The following MID2 variants were observed in gnomAD, a reference collection of about 807,000 sequenced individuals.
The protein encoded by MID2 is probable E3 ubiquitin-protein ligase MID2.
MID2 carries 13 observed loss-of-function variants against 46.1 expected under a neutral mutation model. The ratio of observed to expected loss-of-function variants is 0.28; its 90% CI spans 0.18 to 0.45. MID2 has a LOEUF of 0.45. Ranked by LOEUF, MID2 falls within the 20% of genes least tolerant of loss-of-function variation. The probability of loss-of-function intolerance (pLI) is 1.00; values close to 1 mark genes in which losing one functional copy is unlikely to be tolerated. For missense variants in MID2, 431 were observed against 575.4 expected (o/e 0.75, Z 2.57); for synonymous variants, 199 against 212.3 (o/e 0.94, Z 0.55).
intron 3 of MID2, among the ~76,000 whole-genome samples, chrX:107,881,114 G>A (rs893160404): frequency 8.9e-6 from 1 of 112,754 alleles, no homozygotes; most frequent in Non-Finnish European, 1.9e-5. Flanking sequence ...GTACAAGGGG[G>A]CAGATTTTCC....
Position 107,930,342 on chromosome X carries a change from C to G in MID2, c.*3269C>G, listed in dbSNP as rs1402922833. Among the ~76,000 whole-genome samples the G allele has an allele frequency of 8.9e-6, 1 of 111,837 alleles. No homozygotes were observed. Among genetic ancestry groups the G allele is most frequent in the Non-Finnish European group, 1.9e-5 (1 of 53,132 alleles). The stretch of plus-strand genomic sequence containing the variant: ...CTCCTACATAATAAATGATCATTGT[C>G]CTCCTCAAAAACTCTTTGGCAGTTA... On this transcript the variant is annotated 3_prime_UTR_variant, in exon 10 of 10. Coordinates refer to ENST00000262843, the MANE Select transcript of MID2 (RefSeq NM_012216.4).
chrX:107,826,280 G>T lies in MID2; in HGVS notation c.-147G>T. On this transcript the variant is annotated 5_prime_UTR_variant, in exon 1 of 10. Coordinates refer to ENST00000262843, the MANE Select transcript of MID2 (RefSeq NM_012216.4). The stretch of plus-strand genomic sequence containing the variant: ...GACGGTAGCGGCAGCGGCGGCGAAG[G>T]CGGGCGGCGGCCTACAGTGGTAGCG... 1 of 571,993 alleles carries T rather than the reference G, an allele frequency of 1.7e-6. No homozygotes were observed. The highest frequency in any genetic ancestry group is 2.3e-6 in the Non-Finnish European group (1 of 427,670). The allele number at this position is 571,993 out of a possible 1,213,427, so 47.1% of individuals were successfully genotyped here. A position where few individuals can be genotyped will look rare whatever the true frequency, so the allele number is the denominator to read the frequency against.
At position 107,875,757 on chromosome X, in the gene MID2, T is replaced by A. The variant is rs1006977982; in HGVS notation, c.816+21053T>A. 2.7e-5 allele frequency among the ~76,000 whole-genome samples: 3 copies of A among 111,558 alleles called. No homozygotes were observed. In the East Asian group the frequency reaches 8.5e-4, roughly 32 times the overall value. ...TAAAGAGTTGGAAAAAATACCGGAT[T>A]AAGAGCCTTTCTGAGATACCCCTCT... On this transcript the variant is annotated intron_variant, in intron 3 of 9. Coordinates refer to ENST00000262843, the MANE Select transcript of MID2 (RefSeq NM_012216.4).
At chrX:107,902,553 G>A (rs1350140359) in intron 3 of MID2, among the ~76,000 whole-genome samples, 6 of 111,441 alleles carry the variant, frequency 5.4e-5, no homozygotes, top group Non-Finnish European at 7.5e-5. Flanking sequence ...TTGTGACATT[G>A]CCCTAGAAAA....
chrX:107,897,302 C>T (rs1432975768), intron 3 of MID2, among the ~76,000 whole-genome samples: 1 of 111,455 alleles, frequency 9.0e-6, no homozygotes, highest in Middle Eastern at 4.2e-3. Flanking sequence ...CACCCCTTCC[C>T]TGGCCAAAAA....
chrX:107,832,487 G>T (rs1931109344), intron 1 of MID2, among the ~76,000 whole-genome samples: 1 of 111,610 alleles, frequency 9.0e-6, no homozygotes, highest in African/African-American at 3.3e-5. Flanking sequence ...ACCTGTATTT[G>T]TAAAGTAAAC....
At chrX:107,883,895 G>A (rs1163180542) in intron 3 of MID2, among the ~76,000 whole-genome samples, 1 of 112,327 alleles carries the variant, frequency 8.9e-6, no homozygotes, top group Non-Finnish European at 1.9e-5. Context: ...CTCAGTAAGA[G>A]ATCATAGACC....
chrX:107,889,656 T>C (rs1325015529), intron 3 of MID2, among the ~76,000 whole-genome samples: 1 of 111,790 alleles, frequency 8.9e-6, no homozygotes, highest in African/African-American at 3.3e-5. Flanking sequence ...TGAATCTGAA[T>C]GTTGGCCTGC....
At position 107,826,064 on chromosome X, in the gene MID2, C is replaced by T. The variant is rs1930933330; in HGVS notation, c.-363C>T. On this transcript the variant is annotated 5_prime_UTR_variant, in exon 1 of 10. Transcript: ENST00000262843. ...CCGCCTCCCTTTTGGAAGGGATTGC[C>T]TTTTTTTTCCTCTGCGGCGGCGGAA... 6.8e-6 allele frequency: 2 copies of T among 293,393 alleles called. No homozygotes were observed. Among genetic ancestry groups the T allele is most frequent in the Middle Eastern group, 8.9e-4 (1 of 1,123 alleles). The allele number at this position is 293,393 out of a possible 1,213,427, so 24.2% of individuals were successfully genotyped here.
At chrX:107,859,273 G>T (rs887774689) in intron 3 of MID2, among the ~76,000 whole-genome samples, 1 of 112,044 alleles carries the variant, frequency 8.9e-6, no homozygotes, top group Admixed American at 9.5e-5. Flanking sequence ...ATATTTTTGG[G>T]TGGTTGAGCT....
chrX:107,828,310 C>CTTTTCTT (rs1931004349), intron 1 of MID2, among the ~76,000 whole-genome samples: 2 of 83,023 alleles, frequency 2.4e-5, no homozygotes, highest in African/African-American at 5.4e-5. Context: ...TCTTTCTTTT[C>CTTTTCTT]TTTTTTTTTT....
intron 2 of MID2, among the ~76,000 whole-genome samples, chrX:107,842,475 G>A (rs1298880455): frequency 1.8e-5 from 2 of 112,163 alleles, no homozygotes; most frequent in Non-Finnish European, 3.8e-5. Context: ...GAAAGACCCA[G>A]ATAGGATAAA....
intron 8 of MID2, 116 bp from the exon 9 acceptor site, chrX:107,925,978 C>T: frequency 1.9e-6 from 1 of 538,309 alleles, no homozygotes; most frequent in East Asian, 3.5e-5. Context: ...TTGCACTGGA[C>T]CAAGAGTGAT....
chrX:107,899,501 G>T (rs1357336584), intron 3 of MID2, among the ~76,000 whole-genome samples: 1 of 110,902 alleles, frequency 9.0e-6, no homozygotes, highest in Non-Finnish European at 1.9e-5. Flanking sequence ...CAGTTGGAAA[G>T]AAATATGCAA....
chrX:107,920,914 T>C (rs1291541357), intron 7 of MID2, among the ~76,000 whole-genome samples: 2 of 112,066 alleles, frequency 1.8e-5, no homozygotes, highest in African/African-American at 3.2e-5. Context: ...CTCTGAATTC[T>C]TCAGTGTATA....
intron 3 of MID2, among the ~76,000 whole-genome samples, chrX:107,858,077 G>C (rs1014468825): frequency 2.7e-5 from 3 of 112,315 alleles, no homozygotes; most frequent in African/African-American, 9.7e-5. Context: ...AGTAAACAAA[G>C]CTGCAGTCTT....
chrX:107,881,759 T>A (rs1932324060), intron 3 of MID2, among the ~76,000 whole-genome samples: 1 of 112,390 alleles, frequency 8.9e-6, no homozygotes, highest in Non-Finnish European at 1.9e-5. Flanking sequence ...ATAAAATACC[T>A]GATTCAAACA....
At chrX:107,884,328 G>A (rs955807626) in intron 3 of MID2, among the ~76,000 whole-genome samples, 12 of 112,384 alleles carry the variant, frequency 1.1e-4, no homozygotes, top group Non-Finnish European at 2.1e-4. Flanking sequence ...AGTAGGCATG[G>A]AAATCAATAT....
rs773693448 is a variant in MID2 at position 107,926,173 on chromosome X, T to C, written c.1677T>C (p.Asp559=). 63 of 1,208,081 alleles carry C rather than the reference T, an allele frequency of 5.2e-5. No individual in the cohort carries two copies. The highest frequency in any genetic ancestry group is 6.9e-5 in the Non-Finnish European group (62 of 893,058). The change falls in exon 9 of 10, where the codon GAT becomes GAC. Residue 559 remains aspartate (D), a synonymous_variant. Coordinates refer to ENST00000262843, the MANE Select transcript of MID2 (RefSeq NM_012216.4). The part of the protein sequence containing the change: ...ISNDGLQMEK[D]ESSLKKSHTP... Reference sequence around the variant, plus strand: ...ATGATGGATTGCAGATGGAGAAGGATGAAAGCTCTCTAAAGAAGAGCCACA... The same window carrying C: ...ATGATGGATTGCAGATGGAGAAGGACGAAAGCTCTCTAAAGAAGAGCCACA...
Sources: allele counts gnomAD v4.1 joint callset (sites outside exome capture counted in the v4.1 genomes callset), GRCh38; gene constraint gnomAD v4.1.1; transcripts MANE v1.5; gene names NCBI Gene and HGNC (gene_info 2026-07-23, HGNC 2026-07-21).